RBFOX1: variants seen among roughly 807,000 people sequenced by gnomAD.
RBFOX1 encodes the protein RNA binding fox-1 homolog 1.
In RBFOX1, 8 loss-of-function variants were observed where a neutral mutation model predicts 57.7. The observed-to-expected ratio is 0.14, with a 90% CI of 0.08 to 0.25. The LOEUF (loss-of-function observed/expected upper bound fraction) is 0.25. Ranked by LOEUF, RBFOX1 falls within the 10% of genes least tolerant of loss-of-function variation. The pLI, the probability that RBFOX1 is intolerant of heterozygous loss-of-function variation, is 1.00. For synonymous variants in RBFOX1, 326 were observed against 222.4 expected, an observed-to-expected ratio of 1.47 and a Z score of -4.15; for missense variants, 611 against 548.5, an observed-to-expected ratio of 1.11 and a Z score of -1.14.
intron 3 of RBFOX1, among the ~76,000 whole-genome samples, chr16:5,794,327 C>A (rs1260359938): frequency 6.9e-6 from 1 of 145,894 alleles, no homozygotes; most frequent in South Asian, 2.2e-4. Flanking sequence ...TCCTTTTTTT[C>A]CTCATCCTTT....
intron 4 of RBFOX1, among the ~76,000 whole-genome samples, chr16:7,252,181 A>T (rs889011411): frequency 1.3e-5 from 2 of 152,218 alleles, no homozygotes; most frequent in African/African-American, 4.8e-5. Context: ...ATCATCAAAA[A>T]GGAGGAAGGA....
chr16:5,448,920 C>T (rs2068335828), intron 1 of RBFOX1, among the ~76,000 whole-genome samples: 1 of 152,066 alleles, frequency 6.6e-6, no homozygotes, highest in Non-Finnish European at 1.5e-5. Context: ...GCTTGGAATA[C>T]GTGTCTCCTC....
chr16:6,528,040 A>G (rs1364529136), intron 2 of RBFOX1, among the ~76,000 whole-genome samples: 1 of 151,958 alleles, frequency 6.6e-6, no homozygotes, highest in African/African-American at 2.4e-5. Context: ...ATTTCCTTCT[A>G]CCTTACATCC....
At chr16:6,756,615 C>CAATAAT (rs370818178) in intron 3 of RBFOX1, among the ~76,000 whole-genome samples, 6 of 151,828 alleles carry the variant, frequency 4.0e-5, no homozygotes, top group Non-Finnish European at 5.9e-5. Context: ...AACTCCATAG[C>CAATAAT]AATAATAATA....
At chr16:5,264,739 T>C (rs2062816847) in intron 1 of RBFOX1, among the ~76,000 whole-genome samples, 2 of 152,118 alleles carry the variant, frequency 1.3e-5, no homozygotes, top group African/African-American at 4.8e-5. Context: ...GTGTGAGACT[T>C]CTAGCTAGGA....
intron 3 of RBFOX1, among the ~76,000 whole-genome samples, chr16:6,796,594 C>T (rs1223048075): frequency 1.3e-5 from 2 of 152,166 alleles, no homozygotes; most frequent in East Asian, 3.8e-4. Flanking sequence ...CTTATTCATA[C>T]CTATCCTAAA....
At chr16:7,453,244 C>T (rs141918691) in intron 4 of RBFOX1, among the ~76,000 whole-genome samples, 1 of 151,546 alleles carries the variant, frequency 6.6e-6, no homozygotes, top group East Asian at 2.0e-4. Flanking sequence ...GGAGGTTAAA[C>T]AGAGAGGTAT....
Position 5,503,520 on chromosome 16 carries a change from T to C in RBFOX1, c.258+36266T>C, listed in dbSNP as rs534579506. 9.6e-4 allele frequency among the ~76,000 whole-genome samples: 146 copies of C among 152,362 alleles called. 2 individuals are homozygous for C. In the Middle Eastern group the frequency reaches 0.024, roughly 25 times the overall value. On this transcript the variant is annotated intron_variant, in intron 2 of 2. Coordinates refer to the RBFOX1 transcript ENST00000585867. Reference sequence around the variant, plus strand: ...GGCGCATGGCGCAATCACGGCTCACTGTAGCCTCTACCTCCTGGGTTCAAG... The same window carrying C: ...GGCGCATGGCGCAATCACGGCTCACCGTAGCCTCTACCTCCTGGGTTCAAG...
intron 3 of RBFOX1, among the ~76,000 whole-genome samples, chr16:5,770,700 C>G (rs1024229397): frequency 6.6e-6 from 1 of 152,188 alleles, no homozygotes; most frequent in African/African-American, 2.4e-5. Flanking sequence ...TGGGCTAAGC[C>G]TCAGTTTTGG....
chr16:6,443,731 C>G (rs1419066468), intron 2 of RBFOX1, among the ~76,000 whole-genome samples: 1 of 152,106 alleles, frequency 6.6e-6, no homozygotes, highest in Non-Finnish European at 1.5e-5. Flanking sequence ...ATTTGTTCAT[C>G]CAGCCATCTT....
intron 4 of RBFOX1, among the ~76,000 whole-genome samples, chr16:7,503,353 A>G (rs1262994387): frequency 2.6e-5 from 4 of 152,184 alleles, no homozygotes; most frequent in African/African-American, 9.7e-5. Flanking sequence ...AAGTTGTGTC[A>G]CATTCGATCG....
intron 1 of RBFOX1, among the ~76,000 whole-genome samples, chr16:6,066,815 T>G (rs1279259699): frequency 2.0e-5 from 3 of 152,186 alleles, no homozygotes. Flanking sequence ...CTGCTCATTC[T>G]GCCCTCCACT....
At chr16:5,809,581 C>T (rs1421280384) in intron 3 of RBFOX1, among the ~76,000 whole-genome samples, 1 of 152,182 alleles carries the variant, frequency 6.6e-6, no homozygotes, top group East Asian at 1.9e-4. Context: ...AAAATGCTCA[C>T]CATCACGGGC....
At chr16:5,944,006 TCCACTCACCCATCCAC>T (rs1201898987) in intron 4 of RBFOX1, among the ~76,000 whole-genome samples, 1 of 142,180 alleles carries the variant, frequency 7.0e-6, no homozygotes, top group Non-Finnish European at 1.5e-5. Context: ...CATCCATCCA[TCCACTCACCCATCCAC>T]CATCCATTCA....
chr16:6,678,335 G>A (rs1603366190), intron 3 of RBFOX1, among the ~76,000 whole-genome samples: 2 of 152,158 alleles, frequency 1.3e-5, no homozygotes, highest in East Asian at 3.9e-4. Flanking sequence ...ATGTTGGCCA[G>A]GCTGGTTTGA....
chr16:6,639,351 G>T (rs146870198), intron 2 of RBFOX1, among the ~76,000 whole-genome samples: 18 of 152,046 alleles, frequency 1.2e-4, no homozygotes, highest in African/African-American at 3.4e-4. Flanking sequence ...TTACAAGAGC[G>T]GTTTAGTAGG....
At chr16:6,923,194 G>A (rs1288177990) in intron 3 of RBFOX1, among the ~76,000 whole-genome samples, 1 of 152,186 alleles carries the variant, frequency 6.6e-6, no homozygotes, top group Non-Finnish European at 1.5e-5. Context: ...CTGGTCTTCA[G>A]TTGCCTGCCT....
At chr16:7,579,674 C>A in intron 5 of RBFOX1, 103 bp from the exon 6 acceptor site, 1 of 1,425,442 alleles carries the variant, frequency 7.0e-7, no homozygotes, top group South Asian at 1.2e-5. Context: ...TCTCAGATTG[C>A]TTAGTTCTGA....
At chr16:7,642,004 A>T (rs1168950870) in intron 11 of RBFOX1, among the ~76,000 whole-genome samples, 2 of 152,144 alleles carry the variant, frequency 1.3e-5, no homozygotes, top group African/African-American at 4.8e-5. Flanking sequence ...AGTCCTAGCT[A>T]CTGGAAGGGC....
Sources: allele counts gnomAD v4.1 joint callset (sites outside exome capture counted in the v4.1 genomes callset), GRCh38; gene constraint gnomAD v4.1.1; transcripts MANE v1.5; gene names NCBI Gene and HGNC (gene_info 2026-07-23, HGNC 2026-07-21).